Variants in EDARADD observed in about 807,000 individuals in gnomAD.
The protein encoded by EDARADD is EDAR associated via death domain.
A neutral mutation model predicts 25.6 loss-of-function variants in EDARADD; 20 were observed. The ratio of observed to expected loss-of-function variants is 0.78; its 90% CI spans 0.55 to 1.14. The LOEUF (loss-of-function observed/expected upper bound fraction) is 1.14, where lower values mean the gene tolerates loss of function less well. Among genes scored for constraint, EDARADD ranks in the 50% most tolerant of loss-of-function variants. The pLI, the probability that EDARADD is intolerant of heterozygous loss-of-function variation, is 0.00. For synonymous variants in EDARADD, 86 were observed against 94.4 expected (o/e 0.91, Z 0.52); for missense variants, 225 against 270.1 (o/e 0.83, Z 1.17).
intron 4 of EDARADD, among the ~76,000 whole-genome samples, chr1:236,462,866 C>T (rs560876009): frequency 6.6e-6 from 1 of 152,226 alleles, no homozygotes; most frequent in East Asian, 1.9e-4. Context: ...ATAGGTGTTC[C>T]ACTCTGCAGT....
At chr1:236,421,624 T>C (rs1416115010) in intron 3 of EDARADD, among the ~76,000 whole-genome samples, 1 of 151,392 alleles carries the variant, frequency 6.6e-6, no homozygotes, top group East Asian at 1.9e-4. Flanking sequence ...CAGCCTCCTG[T>C]GTAGCTGGGA....
At position 236,484,228 on chromosome 1, in the gene EDARADD, A is replaced by G; in HGVS notation, c.*1579A>G. 1.0e-6 allele frequency: 1 copy of G among 976,278 alleles called. No individual in the cohort carries two copies. 60.5% of individuals were successfully genotyped at this position (976,278 alleles called of 1,614,324 possible). On this transcript the variant is annotated 3_prime_UTR_variant, in exon 6 of 6. Transcript: ENST00000334232. The surrounding 1 kb of genome is among the most constrained non-coding windows in gnomAD (Gnocchi z 4.1). ...ATTCGCTCTGTGACTGAGTCCCTTCAGGCGTGCAAGCTGGCCCAGGCCAAT... is the reference window on the plus strand; with the variant it reads ...ATTCGCTCTGTGACTGAGTCCCTTCGGGCGTGCAAGCTGGCCCAGGCCAAT...
chr1:236,392,501 T>TTA (rs1667438795), upstream of EDARADD, among the ~76,000 whole-genome samples: 2 of 150,934 alleles, frequency 1.3e-5, no homozygotes, highest in African/African-American at 4.9e-5. Flanking sequence ...ATTTTTTTTT[T>TTA]TTTTTGTCAG....
At chr1:236,403,487 C>T (rs113809004) in intron 1 of EDARADD, among the ~76,000 whole-genome samples, 4,309 of 151,688 alleles carry the variant, frequency 0.028, 144 homozygotes, top group African/African-American at 0.085. Flanking sequence ...CGGGGTTTCA[C>T]CACGTTAGCC....
chr1:236,376,953 G>A (rs1667231716), intron 3 of EDARADD, among the ~76,000 whole-genome samples: 1 of 151,748 alleles, frequency 6.6e-6, no homozygotes, highest in South Asian at 2.1e-4. Context: ...GCCATGTCCA[G>A]TCTACTAATG....
chr1:236,395,757 G>A lies in EDARADD; in HGVS notation c.61+1252G>A. 7.0e-7 allele frequency: 1 copy of A among 1,436,332 alleles called. No individual in the cohort carries two copies. Among genetic ancestry groups the A allele is most frequent in the Non-Finnish European group, 9.2e-7 (1 of 1,089,230 alleles). The allele number at this position is 1,436,332 out of a possible 1,614,324, so 89.0% of individuals were successfully genotyped here. ...GCAGCCGCAGGGCTATCGAGGCCGG[G>A]CCTCGGCGACCCCCGAGGGAGGCCC... On this transcript the variant is annotated intron_variant, in intron 1 of 5. Transcript: ENST00000334232. This position sits in a 1 kb window ranked among gnomAD's most constrained non-coding sequence, Gnocchi z 6.9.
chr1:236,366,472 C>A (rs1338969671), intron 3 of EDARADD, among the ~76,000 whole-genome samples: 1 of 152,146 alleles, frequency 6.6e-6, no homozygotes, highest in Non-Finnish European at 1.5e-5. Flanking sequence ...TCTGATAGTT[C>A]CGTCCTTGGC....
chr1:236,368,232 C>A (rs768498507), intron 3 of EDARADD, among the ~76,000 whole-genome samples: 8 of 152,130 alleles, frequency 5.3e-5, no homozygotes, highest in Non-Finnish European at 1.2e-4. Context: ...ATATTTGCCA[C>A]CATCAGCATC....
At chr1:236,470,155 C>G (rs772924554) in intron 5 of EDARADD, among the ~76,000 whole-genome samples, 3 of 152,156 alleles carry the variant, frequency 2.0e-5, no homozygotes, top group Admixed American at 6.5e-5. Flanking sequence ...GAGCTGGTAT[C>G]AGAACTGCCC....
chr1:236,350,720 A>G (rs1403397818), exon 3 of EDARADD: 2 of 152,232 alleles, frequency 1.3e-5, no homozygotes, highest in African/African-American at 2.4e-5. Context: ...GAGAAGAAAA[A>G]TAGCTCCAAG....
At chr1:236,475,975 G>T (rs1372082392) in intron 5 of EDARADD, among the ~76,000 whole-genome samples, 3 of 151,700 alleles carry the variant, frequency 2.0e-5, no homozygotes, top group African/African-American at 7.3e-5. Flanking sequence ...TGGATCACCT[G>T]AGGTCAAGAG....
chr1:236,430,555 T>TA, intron 4 of EDARADD, among the ~76,000 whole-genome samples: 1 of 152,278 alleles, frequency 6.6e-6, no homozygotes, highest in East Asian at 1.9e-4. Context: ...ATTTATCAAC[T>TA]AAAAAAATAG....
At chr1:236,354,924 T>A (rs1238489053) in intron 3 of EDARADD, among the ~76,000 whole-genome samples, 1 of 152,216 alleles carries the variant, frequency 6.6e-6, no homozygotes, top group Non-Finnish European at 1.5e-5. Flanking sequence ...CATAAATATG[T>A]ACAGCTTTCC....
intron 3 of EDARADD, among the ~76,000 whole-genome samples, chr1:236,378,448 G>A (rs539426318): frequency 3.9e-5 from 6 of 152,234 alleles, no homozygotes; most frequent in Admixed American, 2.0e-4. Context: ...CTGGTTCCTG[G>A]GGAGGTTTCT....
intron 4 of EDARADD, among the ~76,000 whole-genome samples, chr1:236,429,001 C>T (rs906703248): frequency 6.6e-5 from 10 of 152,068 alleles, no homozygotes; most frequent in Non-Finnish European, 1.0e-4. Context: ...TCAGGCGTTG[C>T]GACGCGCGCC....
At chr1:236,399,195 T>C (rs944197902) in intron 1 of EDARADD, among the ~76,000 whole-genome samples, 2 of 152,214 alleles carry the variant, frequency 1.3e-5, no homozygotes, top group African/African-American at 4.8e-5. Context: ...TTTATTAATT[T>C]TTTTGAGACA....
chr1:236,408,060 A>G (rs1667768850), intron 1 of EDARADD, among the ~76,000 whole-genome samples: 1 of 152,230 alleles, frequency 6.6e-6, no homozygotes, highest in Admixed American at 6.5e-5. Context: ...GGTAGTGTCA[A>G]ATTCAGTAGG....
Position 236,374,701 on chromosome 1 carries a change from C to A in EDARADD, c.-6+23862C>A, listed in dbSNP as rs561331378. 4.6e-5 allele frequency among the ~76,000 whole-genome samples: 7 copies of A among 152,060 alleles called. No individual in the cohort carries two copies. In the South Asian group the frequency reaches 1.5e-3, roughly 32 times the overall value. On this transcript the variant is annotated intron_variant, in intron 3 of 7. Transcript: ENST00000439430. ...AACCTTCCTTGCTCTGAAGTCTGCT[C>A]TTTCAATATTAATATAGCTATTTTC...
At chr1:236,418,086 T>C (rs1373545253) in intron 3 of EDARADD, among the ~76,000 whole-genome samples, 1 of 151,878 alleles carries the variant, frequency 6.6e-6, no homozygotes, top group African/African-American at 2.4e-5. Context: ...CCCGAATAGC[T>C]GGGACTATAG....
Sources: gnomAD v4.1 joint callset for allele counts (sites outside exome capture counted in the v4.1 genomes callset) on GRCh38, gnomAD v4.1.1 for gene constraint, Gnocchi (gnomAD v3.1) non-coding constraint, MANE v1.5 for transcripts, NCBI Gene and HGNC (gene_info 2026-07-23, HGNC 2026-07-21) for gene names.